FRMD6: variants seen among roughly 807,000 people sequenced by gnomAD.
The protein encoded by FRMD6 is FERM domain containing 6, also known as FERM domain-containing protein 6.
FRMD6 carries 37 observed loss-of-function variants against 73.2 expected under a neutral mutation model. The ratio of observed to expected loss-of-function variants is 0.51; its 90% confidence interval spans 0.39 to 0.66. The LOEUF (loss-of-function observed/expected upper bound fraction) is 0.66. Ranked by LOEUF, FRMD6 falls within the 30% of genes least tolerant of loss-of-function variation. The pLI, the probability that FRMD6 is intolerant of heterozygous loss-of-function variation, is 0.00. For missense variants in FRMD6, 714 were observed against 780.5 expected, an observed-to-expected ratio of 0.91 and a Z score of 1.02; for synonymous variants, 273 against 282.2, an observed-to-expected ratio of 0.97 and a Z score of 0.33.
intron 1 of FRMD6, among the ~76,000 whole-genome samples, chr14:51,547,440 G>A (rs1386069523): frequency 6.6e-6 from 1 of 152,134 alleles, no homozygotes; most frequent in African/African-American, 2.4e-5. Flanking sequence ...TGTAATGCAT[G>A]AGTCACAGAG....
chr14:51,510,146 G>A (rs1346530510), intron 1 of FRMD6, among the ~76,000 whole-genome samples: 1 of 152,330 alleles, frequency 6.6e-6, no homozygotes, highest in East Asian at 1.9e-4. Context: ...GGCATGTGAT[G>A]TGCACTAATA....
At chr14:51,679,555 CT>C (rs61250963) in intron 1 of FRMD6, among the ~76,000 whole-genome samples, 3,309 of 120,552 alleles carry the variant, frequency 0.027, 56 homozygotes, top group African/African-American at 0.083. Context: ...CATTTGTTTT[CT>C]TTTTTTTTTT....
chr14:51,443,244 A>C, the FRMD6 span, among the ~76,000 whole-genome samples: 1 of 152,194 alleles, frequency 6.6e-6, no homozygotes, highest in Non-Finnish European at 1.5e-5. Context: ...TCTTTCTCTG[A>C]CTTTGTTTCA....
intron 1 of FRMD6, among the ~76,000 whole-genome samples, chr14:51,570,082 T>G (rs182167890): frequency 8.7e-4 from 133 of 152,286 alleles, no homozygotes; most frequent in African/African-American, 2.9e-3. Flanking sequence ...CCCAAAGTGC[T>G]GGGATTACAG....
chr14:51,605,539 T>A (rs1348663540), intron 2 of FRMD6, among the ~76,000 whole-genome samples: 1 of 152,162 alleles, frequency 6.6e-6, no homozygotes, highest in Non-Finnish European at 1.5e-5. Context: ...GTTGCTTATG[T>A]CTTACCCCAA....
At chr14:51,473,410 C>T in the FRMD6 span, among the ~76,000 whole-genome samples, 3 of 152,218 alleles carry the variant, frequency 2.0e-5, no homozygotes, top group Non-Finnish European at 4.4e-5. Flanking sequence ...CTGACTCTGA[C>T]CCTGGCAGAC....
At chr14:51,624,478 A>C (rs909236352) in intron 2 of FRMD6, among the ~76,000 whole-genome samples, 2 of 152,184 alleles carry the variant, frequency 1.3e-5, no homozygotes, top group Non-Finnish European at 2.9e-5. Flanking sequence ...TAAAAGGATA[A>C]ATTGCACTCT....
chr14:51,436,245 C>G, the FRMD6 span: 1 of 360,138 alleles, frequency 2.8e-6, no homozygotes, highest in South Asian at 3.0e-5. Flanking sequence ...GAAAGTAGAA[C>G]AGAAATATAA....
chr14:51,717,409 A>AT (rs2140586178), intron 10 of FRMD6: 1 of 152,276 alleles, frequency 6.6e-6, no homozygotes, highest in Non-Finnish European at 1.5e-5. Context: ...TACTGCAATA[A>AT]TGGCACTAAC....
intron 9 of FRMD6, chr14:51,713,623 T>C (rs1897076676): frequency 6.6e-6 from 1 of 152,178 alleles, no homozygotes; most frequent in Admixed American, 6.5e-5. Context: ...TATAGCTCCA[T>C]GAGGCTATAT....
intron 1 of FRMD6, among the ~76,000 whole-genome samples, chr14:51,675,934 C>T (rs1184603946): frequency 1.3e-5 from 2 of 152,088 alleles, no homozygotes; most frequent in East Asian, 3.8e-4. Flanking sequence ...AAATTTTTCA[C>T]ATATAATGAA....
the FRMD6 span, among the ~76,000 whole-genome samples, chr14:51,399,225 G>T: frequency 6.6e-6 from 1 of 152,136 alleles, no homozygotes; most frequent in Non-Finnish European, 1.5e-5. Flanking sequence ...GCATTCAGCA[G>T]GTCTTCCTTC....
At chr14:51,607,392 GGGGCAT>G (rs1478231504) in intron 2 of FRMD6, among the ~76,000 whole-genome samples, 1 of 152,118 alleles carries the variant, frequency 6.6e-6, no homozygotes, top group Non-Finnish European at 1.5e-5. Flanking sequence ...GGGGGCAAAC[GGGGCAT>G]GGTCATGAAG....
chr14:51,402,426 T>C, the FRMD6 span, among the ~76,000 whole-genome samples: 1 of 152,136 alleles, frequency 6.6e-6, no homozygotes, highest in African/African-American at 2.4e-5. Context: ...GTTCTCATGA[T>C]AGTGAGTGGG....
At chr14:51,726,240 C>T (rs1318007465) in intron 13 of FRMD6, among the ~76,000 whole-genome samples, 1 of 152,184 alleles carries the variant, frequency 6.6e-6, no homozygotes, top group African/African-American at 2.4e-5. Context: ...TTTCCACACT[C>T]TGGTTATTCC....
At chr14:51,708,373 G>T in intron 7 of FRMD6, 140 bp downstream of exon 7, 2 of 836,422 alleles carry the variant, frequency 2.4e-6, no homozygotes, top group Non-Finnish European at 3.6e-6. Context: ...TCATTGAACT[G>T]CTTTTTGTTA....
intron 1 of FRMD6, among the ~76,000 whole-genome samples, chr14:51,677,969 A>G (rs1309921116): frequency 6.6e-6 from 1 of 152,102 alleles, no homozygotes; most frequent in Non-Finnish European, 1.5e-5. Context: ...GTGTATGACA[A>G]TGTGAGCCAC....
At chr14:51,617,159 AAC>A (rs1418534060) in intron 2 of FRMD6, among the ~76,000 whole-genome samples, 3 of 152,226 alleles carry the variant, frequency 2.0e-5, no homozygotes, top group Non-Finnish European at 4.4e-5. Context: ...TTTTGCATGT[AAC>A]ACAGTGAGTC....
At chr14:51,550,898 A>G (rs1886785689) in intron 1 of FRMD6, among the ~76,000 whole-genome samples, 4 of 152,168 alleles carry the variant, frequency 2.6e-5, no homozygotes, top group Non-Finnish European at 5.9e-5. Flanking sequence ...AAACGTGCAT[A>G]ATGAATGCTT....
Sources: allele counts gnomAD v4.1 joint callset (sites outside exome capture counted in the v4.1 genomes callset), GRCh38; gene constraint gnomAD v4.1.1; transcripts MANE v1.5; gene names NCBI Gene and HGNC (gene_info 2026-07-23, HGNC 2026-07-21).